MYT1L: variants seen among roughly 807,000 people sequenced by gnomAD.
MYT1L encodes the protein myelin transcription factor 1-like protein.
In MYT1L, 12 loss-of-function variants were observed where a neutral mutation model predicts 126.7. The observed-to-expected ratio is 0.09, with a 90% confidence interval of 0.06 to 0.15. MYT1L has a LOEUF of 0.15. MYT1L is among the 10% of genes least tolerant of loss of function. MYT1L has a pLI of 1.00. For synonymous variants in MYT1L, 541 were observed against 604.2 expected (o/e 0.90, Z 1.53); for missense variants, 979 against 1,585.2 (o/e 0.62, Z 6.49).
intron 21 of MYT1L, among the ~76,000 whole-genome samples, chr2:1,821,200 G>A (rs1243138213): frequency 6.6e-6 from 1 of 151,952 alleles, no homozygotes; most frequent in Non-Finnish European, 1.5e-5. Flanking sequence ...TCTGCCATGG[G>A]GATTTTCCTT....
rs1248223301 is a variant in MYT1L at position 1,922,692 on chromosome 2, C to G, written c.1077G>C (p.Gln359His). Residue 359 changes from glutamine (Q) to histidine (H), a missense_variant, in exon 10 of 25, where the codon CAG (glutamine) becomes CAC (histidine). Physicochemically the swap from Gln to His is conservative, Grantham distance 24 (BLOSUM62 0). Coordinates refer to ENST00000647738, the MANE Select transcript of MYT1L (RefSeq NM_001303052.2). This position sits in a 1 kb window ranked among gnomAD's most constrained non-coding sequence, Gnocchi z 7.4. ...RNPQQNMNIR[Q>H]HVRPEEDFPG... The stretch of plus-strand genomic sequence containing the variant: ...GGAAGTCCTCTTCTGGCCGGACATG[C>G]TGACGGATGTTCATGTTCTGCTGCG... The G allele has an allele frequency of 1.9e-6, 3 of 1,613,732 alleles. No homozygotes were observed. The highest frequency in any genetic ancestry group is 2.5e-6 in the Non-Finnish European group (3 of 1,179,848).
chr2:1,995,319 G>A (rs1447224625), intron 5 of MYT1L, among the ~76,000 whole-genome samples: 7 of 152,166 alleles, frequency 4.6e-5, no homozygotes, highest in African/African-American at 1.7e-4. Context: ...TGCCCAGTGC[G>A]GTAGCTGTGA....
intron 2 of MYT1L, among the ~76,000 whole-genome samples, chr2:2,282,725 G>A (rs78567190): frequency 0.051 from 7,692 of 152,252 alleles, 384 homozygotes; most frequent in East Asian, 0.2. Context: ...ATATTTCAGT[G>A]TATTCATAAA....
At chr2:1,977,461 T>C (rs1002570609) in intron 8 of MYT1L, among the ~76,000 whole-genome samples, 4 of 152,266 alleles carry the variant, frequency 2.6e-5, no homozygotes, top group East Asian at 1.9e-4. Flanking sequence ...ACTATGGCTA[T>C]AAAATTATAT....
rs2031964885 is a variant in MYT1L, at chr2:1,790,883, A to T, written c.*984T>A. On this transcript the variant is annotated 3_prime_UTR_variant, in exon 25 of 25. Coordinates refer to ENST00000647738, the MANE Select transcript of MYT1L (RefSeq NM_001303052.2). Reference sequence around the variant, plus strand: ...AAGGGGAAATAAATGTTCTTAAATTATCTTTTAGCTTAAATCGAAAACACA... The same window carrying T: ...AAGGGGAAATAAATGTTCTTAAATTTTCTTTTAGCTTAAATCGAAAACACA... 6.1e-6 allele frequency: 1 copy of T among 163,240 alleles called. No individual in the cohort carries two copies. Among genetic ancestry groups the T allele is most frequent in the Non-Finnish European group, 1.3e-5 (1 of 74,118 alleles). 10.1% of individuals were successfully genotyped at this position (163,240 alleles called of 1,614,324 possible). A position where few individuals can be genotyped will look rare whatever the true frequency, so the allele number is the denominator to read the frequency against.
intron 9 of MYT1L, among the ~76,000 whole-genome samples, chr2:1,924,945 T>C (rs1291377802): frequency 6.6e-6 from 1 of 152,186 alleles, no homozygotes; most frequent in East Asian, 1.9e-4. Flanking sequence ...GGAAATATTC[T>C]CCTCTCAATT....
Position 2,002,909 on chromosome 2 carries a change from C to T in MYT1L, c.-157-5562G>A, listed in dbSNP as rs529977262. On this transcript the variant is annotated intron_variant, in intron 4 of 24. Coordinates refer to ENST00000647738, the MANE Select transcript of MYT1L (RefSeq NM_001303052.2). ...TCCTGCCACCTTGTGAAGAAGGTGC[C>T]TTGCTCCTTCTTTACCTTCTGCCAG... Among the ~76,000 whole-genome samples, 6 of 152,204 alleles carry T rather than the reference C, an allele frequency of 3.9e-5. No individual in the cohort carries two copies. The East Asian group carries it at 9.7e-4, about 25-fold the overall frequency.
intron 4 of MYT1L, among the ~76,000 whole-genome samples, chr2:2,046,325 G>C (rs1326942697): frequency 6.6e-6 from 1 of 151,984 alleles, no homozygotes; most frequent in African/African-American, 2.4e-5. Context: ...TATATCTTGG[G>C]CTAGGTTTAT....
At chr2:1,945,308 G>A (rs1460381150) in intron 8 of MYT1L, among the ~76,000 whole-genome samples, 3 of 152,230 alleles carry the variant, frequency 2.0e-5, no homozygotes, top group Non-Finnish European at 4.4e-5. Flanking sequence ...AAGAGAGGAG[G>A]TGCAGGCTAG....
chr2:2,293,757 C>G (rs1431383964), intron 1 of MYT1L, among the ~76,000 whole-genome samples: 2 of 152,148 alleles, frequency 1.3e-5, no homozygotes, highest in African/African-American at 4.8e-5. Flanking sequence ...AGGTGCAAGA[C>G]CGGCCCCCTC....
intron 3 of MYT1L, among the ~76,000 whole-genome samples, chr2:2,065,574 C>T (rs903800828): frequency 1.4e-4 from 21 of 152,064 alleles, no homozygotes; most frequent in Admixed American, 1.0e-3. Flanking sequence ...CTCAGTAACC[C>T]GGCATGGTTT....
In MYT1L at chr2:2,228,995, C is replaced by T. The variant is rs949582668; in HGVS notation, c.-421+55409G>A. Reference sequence around the variant, plus strand: ...ACGTATCCAGCTGAGCTCCTGGCTCCGATTTCTCAGCAGCAAACAGCCGGT... The same window carrying T: ...ACGTATCCAGCTGAGCTCCTGGCTCTGATTTCTCAGCAGCAAACAGCCGGT... On this transcript the variant is annotated intron_variant, in intron 2 of 24. Transcript: ENST00000647738. This position sits in a 1 kb window ranked among gnomAD's most constrained non-coding sequence, Gnocchi z 5.9. 4.6e-5 allele frequency among the ~76,000 whole-genome samples: 7 copies of T among 152,080 alleles called. No individual in the cohort carries two copies. The highest frequency in any genetic ancestry group is 1.3e-4 in the Admixed American group (2 of 15,282).
At chr2:2,127,531 T>A (rs1048727265) in intron 3 of MYT1L, among the ~76,000 whole-genome samples, 3 of 152,204 alleles carry the variant, frequency 2.0e-5, no homozygotes, top group Non-Finnish European at 2.9e-5. Flanking sequence ...TGCTACCAAA[T>A]AGAGCCTTGT....
At position 1,912,948 on chromosome 2, in the gene MYT1L, C is replaced by T. The variant is rs1346030801; in HGVS notation, c.1619-838G>A. 6.6e-6 allele frequency among the ~76,000 whole-genome samples: 1 copy of T among 152,182 alleles called. No homozygotes were observed. Among genetic ancestry groups the T allele is most frequent in the Admixed American group, 6.5e-5 (1 of 15,286 alleles). ...AGGTTAGCAGGGACGAAGGGACCCCCACACGGACCCTGTCTGCATCATGCT... is the reference window on the plus strand; with the variant it reads ...AGGTTAGCAGGGACGAAGGGACCCCTACACGGACCCTGTCTGCATCATGCT... On this transcript the variant is annotated intron_variant, in intron 11 of 24. Coordinates refer to ENST00000647738, the MANE Select transcript of MYT1L (RefSeq NM_001303052.2). This position sits in a 1 kb window ranked among gnomAD's most constrained non-coding sequence, Gnocchi z 4.3.
At chr2:2,075,669 G>T (rs1267714463) in intron 3 of MYT1L, among the ~76,000 whole-genome samples, 2 of 152,208 alleles carry the variant, frequency 1.3e-5, no homozygotes, top group African/African-American at 4.8e-5. Context: ...TTCAAAGGCA[G>T]CTGAAATATA....
At chr2:2,259,333 A>G (rs1163502566) in intron 2 of MYT1L, among the ~76,000 whole-genome samples, 1 of 135,152 alleles carries the variant, frequency 7.4e-6, no homozygotes, top group East Asian at 2.2e-4. Context: ...AGCATGGCAC[A>G]TGTATACATA....
intron 3 of MYT1L, among the ~76,000 whole-genome samples, chr2:2,063,504 C>G (rs748162971): frequency 5.9e-5 from 9 of 152,122 alleles, no homozygotes; most frequent in Non-Finnish European, 1.3e-4. Flanking sequence ...CCAGAGCATA[C>G]AGCCAAGAAC....
intron 19 of MYT1L, among the ~76,000 whole-genome samples, chr2:1,850,956 C>T (rs967198223): frequency 2.6e-4 from 39 of 152,266 alleles, no homozygotes; most frequent in African/African-American, 8.7e-4. Context: ...CTGCCCACCC[C>T]GCTTGAATAG....
intron 18 of MYT1L, among the ~76,000 whole-genome samples, chr2:1,877,800 A>G (rs1364309009): frequency 3.3e-5 from 5 of 150,456 alleles, no homozygotes; most frequent in African/African-American, 9.8e-5. Context: ...TAAATTGTAG[A>G]AAAAAAAAAT....
Sources: gnomAD v4.1 joint callset for allele counts (sites outside exome capture counted in the v4.1 genomes callset) on GRCh38, gnomAD v4.1.1 for gene constraint, Gnocchi (gnomAD v3.1) non-coding constraint, MANE v1.5 for transcripts, NCBI Gene and HGNC (gene_info 2026-07-23, HGNC 2026-07-21) for gene names.